PDE3B: variants seen among roughly 807,000 people sequenced by gnomAD.
PDE3B encodes the protein cGMP-inhibited 3',5'-cyclic phosphodiesterase 3B.
In PDE3B, 66 loss-of-function variants were observed where a neutral mutation model predicts 116.8. That is an observed-to-expected ratio of 0.56 (90% CI 0.46 to 0.69). PDE3B has a LOEUF of 0.69. PDE3B is among the 30% of genes least tolerant of loss of function. The probability of loss-of-function intolerance (pLI) is 0.00; values close to 1 mark genes in which losing one functional copy is unlikely to be tolerated. For missense variants in PDE3B, 1,384 were observed against 1,368.1 expected, an observed-to-expected ratio of 1.01 and a Z score of -0.18; for synonymous variants, 595 against 533.6, an observed-to-expected ratio of 1.12 and a Z score of -1.59.
intron 12 of PDE3B, among the ~76,000 whole-genome samples, chr11:14,856,773 G>C (rs797040628): frequency 5.3e-5 from 8 of 151,406 alleles, no homozygotes; most frequent in African/African-American, 1.9e-4. Flanking sequence ...AGAACGGCTT[G>C]AACCCAGGAG....
At chr11:14,845,315 C>T (rs560643384) in intron 12 of PDE3B, among the ~76,000 whole-genome samples, 91 of 151,936 alleles carry the variant, frequency 6.0e-4, no homozygotes, top group Non-Finnish European at 1.1e-3. Flanking sequence ...ACAGAAAGGA[C>T]ATCCACACCA....
At chr11:14,806,284 CAAAAAAAA>C (rs58465097) in intron 5 of PDE3B, among the ~76,000 whole-genome samples, 6 of 126,492 alleles carry the variant, frequency 4.7e-5, no homozygotes, top group African/African-American at 1.1e-4. Flanking sequence ...ACTAAAAATA[CAAAAAAAA>C]AAAAAATCAG....
intron 1 of PDE3B, among the ~76,000 whole-genome samples, chr11:14,676,700 A>T (rs11023304): frequency 6.6e-5 from 10 of 152,070 alleles, no homozygotes; most frequent in African/African-American, 2.4e-4. Flanking sequence ...CTGAAAGTTC[A>T]TTATGTGGCA....
At chr11:14,725,329 T>TTTTCTTTCTTTCTTTCTTTCTC (rs1856266092) in intron 1 of PDE3B, among the ~76,000 whole-genome samples, 36 of 123,278 alleles carry the variant, frequency 2.9e-4, no homozygotes, top group African/African-American at 1.1e-3. Context: ...CTTTCTTTCT[T>TTTTCTTTCTTTCTTTCTTTCTC]TTTCTTTCTT....
the PDE3B span, among the ~76,000 whole-genome samples, chr11:14,895,352 T>C: frequency 6.6e-6 from 1 of 152,244 alleles, no homozygotes; most frequent in African/African-American, 2.4e-5. Flanking sequence ...ATAATAGTGA[T>C]CCTGCCTTAT....
rs569894905 is a variant in PDE3B at position 14,780,600 on chromosome 11, A to T, written c.1030-5837A>T. 2.0e-5 allele frequency among the ~76,000 whole-genome samples: 3 copies of T among 152,344 alleles called. 1 individual carries two copies. The South Asian group carries it at 6.2e-4, about 32-fold the overall frequency. On this transcript the variant is annotated intron_variant, in intron 2 of 15. Transcript: ENST00000282096. ...TAACAAAATGAAGGCAGAAATAAAG[A>T]TGGTCTGTGAAACCAACGAGAACAA...
chr11:14,799,794 A>C lies in PDE3B; in HGVS notation c.1416-4150A>C, dbSNP rs562123532. ...TTTTTTTGCTTTCCATTTTCTTGGT[A>C]AATATTCCTCCATCACTTTATTTTG... is the stretch of plus-strand genomic sequence containing the variant. On this transcript the variant is annotated intron_variant, in intron 4 of 15. Transcript: ENST00000282096. Among the ~76,000 whole-genome samples, 3 of 142,454 alleles carry C rather than the reference A, an allele frequency of 2.1e-5. No individual in the cohort carries two copies. In the East Asian group the frequency reaches 6.3e-4, roughly 30 times the overall value. The allele number at this position is 142,454 out of a possible 152,430, so 93.5% of individuals were successfully genotyped here.
chr11:14,673,773 G>A lies in PDE3B; in HGVS notation c.978+28720G>A, dbSNP rs1206382296. 4 of 785,402 alleles carry A rather than the reference G, an allele frequency of 5.1e-6. No individual in the cohort carries two copies. The African/African-American group carries it at 6.8e-5, about 13-fold the overall frequency. The allele number at this position is 785,402 out of a possible 1,614,324, so 48.7% of individuals were successfully genotyped here. On this transcript the variant is annotated intron_variant, in intron 1 of 15. Transcript: ENST00000282096. Reference sequence around the variant, plus strand: ...TCGTACAAGTAATCTCAGGAGATGTGGCACTCCATACACCTGGGACATGGG... The same window carrying A: ...TCGTACAAGTAATCTCAGGAGATGTAGCACTCCATACACCTGGGACATGGG...
At chr11:14,824,731 C>T (rs1474989279) in intron 7 of PDE3B, among the ~76,000 whole-genome samples, 1 of 152,182 alleles carries the variant, frequency 6.6e-6, no homozygotes, top group African/African-American at 2.4e-5. Flanking sequence ...TCCATGAAAA[C>T]TTCCCCAGCC....
At chr11:14,888,670 T>C in the PDE3B span, among the ~76,000 whole-genome samples, 3 of 152,224 alleles carry the variant, frequency 2.0e-5, no homozygotes, top group South Asian at 6.2e-4. Flanking sequence ...AACATTCATA[T>C]TCTTGTCTTC....
chr11:14,759,924 G>A (rs1857308093), intron 1 of PDE3B, among the ~76,000 whole-genome samples: 1 of 152,058 alleles, frequency 6.6e-6, no homozygotes, highest in Admixed American at 6.6e-5. Context: ...GTTAAATAAT[G>A]CATTGCTATT....
At chr11:14,797,724 CTT>C (rs769247619) in intron 4 of PDE3B, among the ~76,000 whole-genome samples, 3 of 151,956 alleles carry the variant, frequency 2.0e-5, no homozygotes, top group African/African-American at 7.3e-5. Flanking sequence ...ATTTGGCTCT[CTT>C]GTTTGTCTGT....
At chr11:14,850,403 G>C (rs1209137977) in intron 12 of PDE3B, among the ~76,000 whole-genome samples, 2 of 152,004 alleles carry the variant, frequency 1.3e-5, no homozygotes, top group African/African-American at 4.8e-5. Flanking sequence ...ACAAGTTAAT[G>C]GGTGCAGCAC....
At chr11:14,891,865 C>T in the PDE3B span, 1 of 1,412,700 alleles carries the variant, frequency 7.1e-7, no homozygotes, top group South Asian at 1.5e-5. Flanking sequence ...GCAGCCGGCA[C>T]ACGGAGAGGT....
At chr11:14,895,474 T>C in the PDE3B span, among the ~76,000 whole-genome samples, 1 of 152,240 alleles carries the variant, frequency 6.6e-6, no homozygotes, top group Non-Finnish European at 1.5e-5. Context: ...TTAAATTCTG[T>C]TCCCAAGGTG....
chr11:14,825,674 C>T (rs1378546571), intron 7 of PDE3B, among the ~76,000 whole-genome samples: 1 of 152,176 alleles, frequency 6.6e-6, no homozygotes, highest in Non-Finnish European at 1.5e-5. Flanking sequence ...CTTAGACTCC[C>T]ACACAATAAT....
In PDE3B at chr11:14,846,363, T is replaced by C. The variant is rs371917599; in HGVS notation, c.2520+2337T>C. ...AGCACTAAACATGGAAAGGAACAAC[T>C]GGTACCAGCCACTGCAAAATCATGC... is the stretch of plus-strand genomic sequence containing the variant. On this transcript the variant is annotated intron_variant, in intron 12 of 15. Coordinates refer to ENST00000282096, the MANE Select transcript of PDE3B (RefSeq NM_000922.4). 2.9e-3 allele frequency among the ~76,000 whole-genome samples: 443 copies of C among 152,190 alleles called. 18 individuals are homozygous for C. In the East Asian group the frequency reaches 0.078, roughly 27 times the overall value.
chr11:14,693,686 C>T (rs2133809267), intron 1 of PDE3B, among the ~76,000 whole-genome samples: 1 of 152,272 alleles, frequency 6.6e-6, no homozygotes, highest in Admixed American at 6.5e-5. Flanking sequence ...AATATTACTG[C>T]TCATTGACAG....
At chr11:14,882,614 T>C in the PDE3B span, among the ~76,000 whole-genome samples, 2 of 152,184 alleles carry the variant, frequency 1.3e-5, no homozygotes, top group African/African-American at 4.8e-5. Context: ...CATGATTTTC[T>C]ACTTCCAAGG....
Sources: allele counts gnomAD v4.1 joint callset (sites outside exome capture counted in the v4.1 genomes callset), GRCh38; gene constraint gnomAD v4.1.1; transcripts MANE v1.5; gene names NCBI Gene and HGNC (gene_info 2026-07-23, HGNC 2026-07-21).